GSTCD: variants seen among roughly 807,000 people sequenced by gnomAD.
GSTCD encodes glutathione S-transferase C-terminal domain containing.
In GSTCD, 44 loss-of-function variants were observed where a neutral mutation model predicts 68.3. The ratio of observed to expected loss-of-function variants is 0.64; its 90% CI spans 0.51 to 0.83. GSTCD has a LOEUF of 0.83. GSTCD is among the 40% of genes least tolerant of loss of function. GSTCD has a pLI of 0.00. For missense variants in GSTCD, 739 were observed against 735.9 expected (o/e 1.00, Z -0.05); for synonymous variants, 273 against 255.2 (o/e 1.07, Z -0.67).
At chr4:105,761,063 G>C (rs1284960715) in intron 5 of GSTCD, 10 of 238,502 alleles carry the variant, frequency 4.2e-5, no homozygotes, top group Non-Finnish European at 7.7e-5. Flanking sequence ...GAATGCAGTG[G>C]TGTAGTCTCG....
chr4:105,738,935 T>G (rs1212836830), intron 5 of GSTCD, among the ~76,000 whole-genome samples: 1 of 152,226 alleles, frequency 6.6e-6, no homozygotes, highest in African/African-American at 2.4e-5. Context: ...GAGGAAAAGC[T>G]TTCAGTTTTC....
chr4:105,726,960 T>C, intron 4 of GSTCD, 130 bp downstream of exon 4: 1 of 691,400 alleles, frequency 1.4e-6, no homozygotes, highest in Non-Finnish European at 2.3e-6. Context: ...CTTCACTCTT[T>C]ACCAGTTAAT....
chr4:105,726,363 G>T (rs910759307), intron 3 of GSTCD, among the ~76,000 whole-genome samples: 7 of 152,132 alleles, frequency 4.6e-5, no homozygotes, highest in Non-Finnish European at 1.0e-4. Flanking sequence ...AACTGACTGT[G>T]GTAGCAGAGA....
At chr4:105,771,241 T>G (rs2149243485) in intron 5 of GSTCD, among the ~76,000 whole-genome samples, 1 of 152,328 alleles carries the variant, frequency 6.6e-6, no homozygotes, top group East Asian at 1.9e-4. Flanking sequence ...GCAAATTTGT[T>G]TAAGTTTCTT....
intron 5 of GSTCD, among the ~76,000 whole-genome samples, chr4:105,732,563 T>C (rs1396178252): frequency 1.3e-5 from 2 of 152,338 alleles, no homozygotes; most frequent in East Asian, 3.9e-4. Flanking sequence ...TTATTGCATC[T>C]AGTTGATTCT....
intron 5 of GSTCD, among the ~76,000 whole-genome samples, chr4:105,758,018 A>G (rs148562400): frequency 6.1e-4 from 93 of 152,300 alleles, no homozygotes; most frequent in African/African-American, 2.2e-3. Flanking sequence ...ATGTCAAACC[A>G]TCAAAGAATT....
chr4:105,810,503 T>C (rs1467390506), intron 5 of GSTCD, among the ~76,000 whole-genome samples: 1 of 152,116 alleles, frequency 6.6e-6, no homozygotes, highest in Non-Finnish European at 1.5e-5. Context: ...TCTGTTTTTT[T>C]ACTGGGTATC....
intron 5 of GSTCD, among the ~76,000 whole-genome samples, chr4:105,735,908 A>G (rs1733445465): frequency 6.6e-6 from 1 of 152,166 alleles, no homozygotes; most frequent in Non-Finnish European, 1.5e-5. Flanking sequence ...CGATATCTTA[A>G]ATAATCACAA....
intron 5 of GSTCD, among the ~76,000 whole-genome samples, chr4:105,800,229 G>T (rs1736055441): frequency 6.6e-6 from 1 of 152,094 alleles, no homozygotes; most frequent in African/African-American, 2.4e-5. Flanking sequence ...TATGTGGATG[G>T]CGGCAGGCAA....
chr4:105,789,085 A>C (rs1735569478), intron 5 of GSTCD, among the ~76,000 whole-genome samples: 1 of 152,154 alleles, frequency 6.6e-6, no homozygotes. Flanking sequence ...TTTATTATTA[A>C]GACATGAAAG....
intron 10 of GSTCD, among the ~76,000 whole-genome samples, chr4:105,841,828 G>T (rs899336021): frequency 6.6e-6 from 1 of 152,118 alleles, no homozygotes; most frequent in African/African-American, 2.4e-5. Flanking sequence ...TCCAGCCTGG[G>T]CGACGGCGAG....
rs147707759 is a variant in GSTCD, at chr4:105,745,798, T to A, written c.1240+16299T>A. 2.7e-3 allele frequency among the ~76,000 whole-genome samples: 414 copies of A among 152,292 alleles called. 3 individuals carry two copies. The highest frequency in any genetic ancestry group is 9.4e-3 in the African/African-American group (390 of 41,558). ...GGGAAGATAGTCAGAAGCATGACCT[T>A]ACATAAGATAAAGAAGACAAAAAGA... On this transcript the variant is annotated intron_variant, in intron 5 of 11. Transcript: ENST00000515279.
intron 5 of GSTCD, among the ~76,000 whole-genome samples, chr4:105,805,055 A>G (rs1026330910): frequency 6.6e-6 from 1 of 151,998 alleles, no homozygotes; most frequent in African/African-American, 2.4e-5. Context: ...TTTTATTTAG[A>G]TTACATAGGT....
rs1013290732 is a variant in GSTCD, at chr4:105,774,837, A to G, written c.1240+45338A>G. Among the ~76,000 whole-genome samples the G allele has an allele frequency of 5.9e-5, 9 of 151,624 alleles. 1 individual carries two copies. Among genetic ancestry groups the G allele is most frequent in the Admixed American group, 5.3e-4 (8 of 15,220 alleles). ...TCTGATGATTATGTGTCTTGGGGCT[A>G]CTCTTCTTGAGGAGTACCTTTGTGG... is the stretch of plus-strand genomic sequence containing the variant. On this transcript the variant is annotated intron_variant, in intron 5 of 11. Coordinates refer to ENST00000515279, the MANE Select transcript of GSTCD (RefSeq NM_001370181.1).
chr4:105,762,658 G>A (rs1734458254), intron 5 of GSTCD, among the ~76,000 whole-genome samples: 2 of 152,098 alleles, frequency 1.3e-5, no homozygotes, highest in African/African-American at 4.8e-5. Flanking sequence ...TTCTATTGAT[G>A]AACTTTTTGC....
chr4:105,807,929 C>T (rs902913538), intron 5 of GSTCD, among the ~76,000 whole-genome samples: 1 of 152,104 alleles, frequency 6.6e-6, no homozygotes, highest in Non-Finnish European at 1.5e-5. Flanking sequence ...GTTATTACAA[C>T]GGTCATTATT....
intron 5 of GSTCD, among the ~76,000 whole-genome samples, chr4:105,766,357 T>G (rs1479391879): frequency 6.6e-6 from 1 of 152,190 alleles, no homozygotes; most frequent in East Asian, 1.9e-4. Flanking sequence ...AGAATGTGAC[T>G]TCTCCCTTGC....
At chr4:105,831,355 GA>G (rs1467682193) in intron 8 of GSTCD, among the ~76,000 whole-genome samples, 4 of 152,136 alleles carry the variant, frequency 2.6e-5, no homozygotes, top group Non-Finnish European at 5.9e-5. Flanking sequence ...AAGGAAGAGT[GA>G]CCTAGCAAGT....
intron 8 of GSTCD, among the ~76,000 whole-genome samples, chr4:105,827,834 G>T (rs893957535): frequency 1.3e-5 from 2 of 151,794 alleles, no homozygotes; most frequent in Non-Finnish European, 2.9e-5. Flanking sequence ...AAAATTAATA[G>T]TATAAACAAG....
Sources: gnomAD v4.1 joint callset for allele counts (sites outside exome capture counted in the v4.1 genomes callset) on GRCh38, gnomAD v4.1.1 for gene constraint, MANE v1.5 for transcripts, NCBI Gene and HGNC (gene_info 2026-07-23, HGNC 2026-07-21) for gene names.